ANK2: variants seen among roughly 807,000 people sequenced by gnomAD.
The protein encoded by ANK2 is ankyrin 2.
In ANK2, 83 loss-of-function variants were observed where a neutral mutation model predicts 360.5. The observed-to-expected ratio is 0.23, with a 90% CI of 0.19 to 0.28. ANK2 has a LOEUF of 0.28. Ranked by LOEUF, ANK2 falls within the 10% of genes least tolerant of loss-of-function variation. ANK2 has a pLI of 1.00. For synonymous variants in ANK2, 1,740 were observed against 1,759.5 expected, an observed-to-expected ratio of 0.99 and a Z score of 0.28; for missense variants, 4,201 against 4,795.7, an observed-to-expected ratio of 0.88 and a Z score of 3.66.
intron 1 of ANK2, among the ~76,000 whole-genome samples, chr4:113,104,487 G>A (rs888315297): frequency 2.0e-5 from 3 of 152,198 alleles, no homozygotes; most frequent in African/African-American, 7.2e-5. Context: ...GCTGAGGCAG[G>A]CAGATCACCT....
intron 1 of ANK2, among the ~76,000 whole-genome samples, chr4:113,121,180 A>C (rs1476832159): frequency 6.6e-6 from 1 of 152,186 alleles, no homozygotes. Flanking sequence ...GCTGTTAACC[A>C]TGATAACAAT....
chr4:113,114,738 C>T (rs1020420111), intron 1 of ANK2, among the ~76,000 whole-genome samples: 2 of 152,170 alleles, frequency 1.3e-5, no homozygotes, highest in Admixed American at 6.5e-5. Context: ...GAACTCCTCA[C>T]TTTCTTCTCT....
rs2095974162 is a variant in ANK2 at position 113,358,559 on chromosome 4, C to T, written c.9941C>T (p.Pro3314Leu). 1 of 1,613,956 alleles carries T rather than the reference C, an allele frequency of 6.2e-7. No homozygotes were observed. Among genetic ancestry groups the T allele is most frequent in the Admixed American group, 1.7e-5 (1 of 59,996 alleles). The change falls in exon 38 of 46, where the codon CCA (proline) becomes CTA (leucine). Residue 3314 changes from proline to leucine, a missense_variant. Transcript: ENST00000357077. Reference protein sequence around the residue: ...IPVRTMPTSTPAPPSAEYESS... With the variant: ...IPVRTMPTSTLAPPSAEYESS... The stretch of plus-strand genomic sequence containing the variant: ...GTAAGGACTATGCCCACTTCCACCC[C>T]AGCACCTCCATCTGCAGAGTATGAG...
At chr4:113,360,964 C>G in intron 39 of ANK2, 67 bp downstream of exon 39, 1 of 1,395,624 alleles carries the variant, frequency 7.2e-7, no homozygotes, top group African/African-American at 1.4e-5. Context: ...GTGTCATTCA[C>G]AGCATAAAAG....
At chr4:112,920,011 G>A (rs2091043010) in intron 2 of ANK2, among the ~76,000 whole-genome samples, 2 of 151,564 alleles carry the variant, frequency 1.3e-5, no homozygotes, top group Non-Finnish European at 2.9e-5. Context: ...GGAATTTTAG[G>A]TTTCTTGGGA....
chr4:113,152,212 T>G (rs1162331493), intron 1 of ANK2: 2 of 152,148 alleles, frequency 1.3e-5, no homozygotes, highest in African/African-American at 4.8e-5. Flanking sequence ...TAATAACTTT[T>G]GAATAATATC....
the ANK2 span, among the ~76,000 whole-genome samples, chr4:112,792,067 GT>G: frequency 1.1e-5 from 1 of 88,848 alleles, no homozygotes; most frequent in Non-Finnish European, 2.0e-5. Context: ...TTGAGACGGA[GT>G]TTTGCTCTTG....
chr4:112,719,203 G>A, the ANK2 span, among the ~76,000 whole-genome samples: 3 of 152,172 alleles, frequency 2.0e-5, no homozygotes, highest in African/African-American at 7.2e-5. Flanking sequence ...AGATCATGCA[G>A]TCAAGGAAAT....
At chr4:113,270,111 A>G (rs560243384) in intron 14 of ANK2, among the ~76,000 whole-genome samples, 41 of 152,288 alleles carry the variant, frequency 2.7e-4, no homozygotes, top group Admixed American at 5.2e-4. Context: ...AATATTTTCT[A>G]TGGTCAACCA....
intron 2 of ANK2, among the ~76,000 whole-genome samples, chr4:112,966,595 C>CT (rs1008331124): frequency 1.1e-4 from 17 of 151,892 alleles, no homozygotes; most frequent in Non-Finnish European, 1.9e-4. Context: ...ATCAGTGTCA[C>CT]TTTTTTTTCC....
At chr4:112,957,168 G>A (rs1278373342) in intron 2 of ANK2, among the ~76,000 whole-genome samples, 13 of 151,070 alleles carry the variant, frequency 8.6e-5, no homozygotes, top group East Asian at 7.8e-4. Flanking sequence ...GCGGCCTTCC[G>A]CAGTGTTTGT....
At chr4:113,274,421 G>T (rs2153687584) in intron 14 of ANK2, 31 bp from the exon 15 acceptor site, 1 of 1,608,112 alleles carries the variant, frequency 6.2e-7, no homozygotes, top group Non-Finnish European at 8.5e-7. Flanking sequence ...TGTCTGCCCG[G>T]CACTAACTTT....
chr4:112,979,650 G>A (rs2042493408), intron 2 of ANK2: 1 of 152,464 alleles, frequency 6.6e-6, no homozygotes, highest in Non-Finnish European at 1.5e-5. Flanking sequence ...AAGGCAGAGA[G>A]GAGCTTCACT....
At chr4:113,133,095 A>T (rs1463457256) in intron 1 of ANK2, among the ~76,000 whole-genome samples, 3 of 152,170 alleles carry the variant, frequency 2.0e-5, no homozygotes, top group African/African-American at 7.2e-5. Context: ...AGGGCAACGT[A>T]ATTATTGGTT....
intron 4 of ANK2, among the ~76,000 whole-genome samples, chr4:113,218,067 A>C (rs2099106930): frequency 6.6e-6 from 1 of 152,198 alleles, no homozygotes; most frequent in Admixed American, 6.5e-5. Flanking sequence ...ACACTTAGTA[A>C]TGGACAAGAT....
intron 2 of ANK2, among the ~76,000 whole-genome samples, chr4:113,026,319 AC>A (rs1321731357): frequency 1.3e-5 from 2 of 152,094 alleles, no homozygotes; most frequent in African/African-American, 4.8e-5. Context: ...CAAAACCCAA[AC>A]CCCAACCATG....
At chr4:113,123,797 C>T (rs527698776) in intron 1 of ANK2, among the ~76,000 whole-genome samples, 1 of 152,188 alleles carries the variant, frequency 6.6e-6, no homozygotes, top group Non-Finnish European at 1.5e-5. Context: ...CATTTCCATT[C>T]CCCCACCAAC....
chr4:113,330,389 C>T lies in ANK2; in HGVS notation c.3044C>T (p.Ala1015Val), dbSNP rs2153925222. The change falls in exon 27 of 46, where the codon GCA becomes GTA. Residue 1015 changes from alanine (A) to valine (V), a missense_variant. Around this residue, in one of 4 missense-constraint regions of ANK2, gnomAD observed 1,268 missense variants for 1,650.8 expected, o/e 0.77. Coordinates refer to ENST00000357077, the MANE Select transcript of ANK2 (RefSeq NM_001148.6). Reference sequence around the variant, plus strand: ...CGACTGGTCAAGCGCCACAGACTGGCAACAATGCCTCCAATGGTGGAAGGA... The same window carrying T: ...CGACTGGTCAAGCGCCACAGACTGGTAACAATGCCTCCAATGGTGGAAGGA... ...TCRLVKRHRL[A>V]TMPPMVEGEG... 1 of 1,614,232 alleles carries T rather than the reference C, an allele frequency of 6.2e-7. No homozygotes were observed. Among genetic ancestry groups the T allele is most frequent in the Non-Finnish European group, 8.5e-7 (1 of 1,180,048 alleles).
At chr4:112,850,284 C>CT (rs1553943464) in intron 1 of ANK2, among the ~76,000 whole-genome samples, 9 of 134,182 alleles carry the variant, frequency 6.7e-5, no homozygotes, top group African/African-American at 2.8e-4. Flanking sequence ...ATCTATCTAT[C>CT]TATCTATCTA....
Sources: allele counts gnomAD v4.1 joint callset (sites outside exome capture counted in the v4.1 genomes callset), GRCh38; gene constraint gnomAD v4.1.1; regional missense constraint gnomAD v4.1.1; transcripts MANE v1.5; gene names NCBI Gene and HGNC (gene_info 2026-07-23, HGNC 2026-07-21).